The following RIMS2 variants were observed in gnomAD, a reference collection of about 807,000 sequenced individuals.
RIMS2 encodes the protein regulating synaptic membrane exocytosis protein 2.
A neutral mutation model predicts 174.4 loss-of-function variants in RIMS2; 59 were observed. The observed-to-expected ratio is 0.34, with a 90% CI of 0.27 to 0.42. RIMS2 has a LOEUF of 0.42. RIMS2 is among the 10% of genes least tolerant of loss of function. The pLI is 1.00. For missense variants in RIMS2, 1,620 were observed against 1,666.3 expected (o/e 0.97, Z 0.48); for synonymous variants, 606 against 572.5 (o/e 1.06, Z -0.84).
chr8:104,063,887 C>T (rs1042076399), intron 19 of RIMS2, among the ~76,000 whole-genome samples: 1 of 152,142 alleles, frequency 6.6e-6, no homozygotes, highest in Non-Finnish European at 1.5e-5. Flanking sequence ...CAGTCTCTCT[C>T]TCTGTCTTTG....
intron 3 of RIMS2, among the ~76,000 whole-genome samples, chr8:103,787,388 A>G (rs1378322432): frequency 1.3e-5 from 2 of 151,312 alleles, no homozygotes; most frequent in African/African-American, 4.9e-5. Context: ...ACATTTTGGC[A>G]TGATTTTGCA....
chr8:103,560,850 T>A (rs1014418578), intron 1 of RIMS2, among the ~76,000 whole-genome samples: 1 of 152,222 alleles, frequency 6.6e-6, no homozygotes, highest in Non-Finnish European at 1.5e-5. Flanking sequence ...ATAGGTGTTC[T>A]TTTTATGTTA....
At chr8:103,865,882 A>T (rs1289776200) in intron 3 of RIMS2, among the ~76,000 whole-genome samples, 1 of 152,096 alleles carries the variant, frequency 6.6e-6, no homozygotes, top group Non-Finnish European at 1.5e-5. Context: ...CTTTTCTAAC[A>T]CTGGAAAATT....
At chr8:103,809,389 A>G (rs1223059572) in intron 3 of RIMS2, among the ~76,000 whole-genome samples, 1 of 151,970 alleles carries the variant, frequency 6.6e-6, no homozygotes, top group East Asian at 1.9e-4. Flanking sequence ...ATAATTTCTT[A>G]GTCTCTGTCT....
At chr8:103,787,390 G>A (rs1445632756) in intron 3 of RIMS2, among the ~76,000 whole-genome samples, 14 of 151,308 alleles carry the variant, frequency 9.3e-5, no homozygotes, top group Non-Finnish European at 1.8e-4. Context: ...ATTTTGGCAT[G>A]ATTTTGCAGC....
chr8:103,901,790 A>G (rs141364550), intron 4 of RIMS2, among the ~76,000 whole-genome samples: 55 of 152,300 alleles, frequency 3.6e-4, no homozygotes, highest in South Asian at 3.5e-3. Context: ...TTCAAATTCT[A>G]CTGTACTTTA....
intron 3 of RIMS2, among the ~76,000 whole-genome samples, chr8:103,823,716 C>A (rs1171918406): frequency 6.6e-6 from 1 of 151,714 alleles, no homozygotes; most frequent in Non-Finnish European, 1.5e-5. Flanking sequence ...GATAATGATT[C>A]TTCATCATGG....
At chr8:103,852,455 G>A (rs1011135742) in intron 3 of RIMS2, among the ~76,000 whole-genome samples, 1 of 149,082 alleles carries the variant, frequency 6.7e-6, no homozygotes, top group Non-Finnish European at 1.5e-5. Context: ...AGATGTACAT[G>A]GGCAGGTTTG....
At chr8:104,136,029 G>C (rs571971366) in intron 19 of RIMS2, among the ~76,000 whole-genome samples, 1 of 152,312 alleles carries the variant, frequency 6.6e-6, no homozygotes, top group Non-Finnish European at 1.5e-5. Flanking sequence ...GTTACAACTT[G>C]ATTAGTGTAG....
chr8:104,127,732 C>CA (rs146725766), intron 19 of RIMS2, among the ~76,000 whole-genome samples: 5,364 of 147,334 alleles, frequency 0.036, 161 homozygotes, highest in African/African-American at 0.088. Flanking sequence ...TAAATGGTTG[C>CA]AAAAAAAAAC....
At chr8:103,837,594 G>T (rs959112377) in intron 3 of RIMS2, among the ~76,000 whole-genome samples, 1 of 152,132 alleles carries the variant, frequency 6.6e-6, no homozygotes, top group Non-Finnish European at 1.5e-5. Flanking sequence ...TCCCACCTAT[G>T]AGTGAGAACA....
chr8:103,789,095 T>A (rs1427216107), intron 3 of RIMS2, among the ~76,000 whole-genome samples: 1 of 152,230 alleles, frequency 6.6e-6, no homozygotes, highest in Non-Finnish European at 1.5e-5. Flanking sequence ...CCCATTGCGC[T>A]TCCCAAGGGA....
chr8:103,894,702 C>CT (rs1439988229), intron 4 of RIMS2, among the ~76,000 whole-genome samples: 1 of 151,332 alleles, frequency 6.6e-6, no homozygotes, highest in Non-Finnish European at 1.5e-5. Flanking sequence ...ATGTATAGGT[C>CT]TATATTTCAA....
At chr8:103,704,815 GTCT>G (rs969818095) in intron 2 of RIMS2, among the ~76,000 whole-genome samples, 1 of 151,754 alleles carries the variant, frequency 6.6e-6, no homozygotes, top group Non-Finnish European at 1.5e-5. Flanking sequence ...CAGTTTTAAT[GTCT>G]TCTTTTTTAT....
At chr8:103,949,057 G>A (rs889153992) in intron 14 of RIMS2, among the ~76,000 whole-genome samples, 1 of 147,700 alleles carries the variant, frequency 6.8e-6, no homozygotes, top group African/African-American at 2.5e-5. Flanking sequence ...AGCCTGGGAG[G>A]TCGAGGCTGC....
intron 8 of RIMS2, among the ~76,000 whole-genome samples, chr8:103,918,053 C>T (rs1237595409): frequency 6.6e-6 from 1 of 152,152 alleles, no homozygotes; most frequent in East Asian, 1.9e-4. Flanking sequence ...TTTATTTGCA[C>T]TTTAATGTTA....
chr8:104,001,418 A>C (rs2095383236), intron 17 of RIMS2, among the ~76,000 whole-genome samples: 1 of 151,992 alleles, frequency 6.6e-6, no homozygotes, highest in East Asian at 1.9e-4. Flanking sequence ...ATTTTGCTAC[A>C]TATAAATGAA....
At chr8:104,180,631 AT>A (rs745320707) in intron 19 of RIMS2, among the ~76,000 whole-genome samples, 13 of 151,648 alleles carry the variant, frequency 8.6e-5, no homozygotes, top group Non-Finnish European at 1.5e-4. Flanking sequence ...TTAAGCTTTC[AT>A]TTGTACTGTT....
chr8:103,819,560 A>G, intron 3 of RIMS2: 1 of 1,613,594 alleles, frequency 6.2e-7, no homozygotes, highest in Non-Finnish European at 8.5e-7. Context: ...TCTCATTTTC[A>G]TGGGGTTTTT....
Sources: gnomAD v4.1 joint callset for allele counts (sites outside exome capture counted in the v4.1 genomes callset) on GRCh38, gnomAD v4.1.1 for gene constraint, MANE v1.5 for transcripts, NCBI Gene and HGNC (gene_info 2026-07-23, HGNC 2026-07-21) for gene names.